The following ANPEP variants were observed in gnomAD, a reference collection of about 807,000 sequenced individuals.
ANPEP encodes aminopeptidase N.
In ANPEP, 70 loss-of-function variants were observed where a neutral mutation model predicts 114.6. That is an observed-to-expected ratio of 0.61 (90% CI 0.50 to 0.75). The LOEUF is 0.75. ANPEP is among the 30% of genes least tolerant of loss of function. The pLI is 0.00. For missense variants in ANPEP, 1,184 were observed against 1,259.5 expected (o/e 0.94, Z 0.91); for synonymous variants, 548 against 522.3 (o/e 1.05, Z -0.67).
intron 11 of ANPEP, 86 bp downstream of exon 11, chr15:89,801,349 A>G (rs1293633914): frequency 1.3e-6 from 2 of 1,566,844 alleles, no homozygotes; most frequent in Non-Finnish European, 1.7e-6. Flanking sequence ...GGCTGGGACC[A>G]CAGGAGGCCA....
rs1372911158 is a variant in ANPEP, at chr15:89,805,450, T to C, written c.628A>G (p.Thr210Ala). 2 of 1,614,076 alleles carry C rather than the reference T, an allele frequency of 1.2e-6. No individual in the cohort carries two copies. Among genetic ancestry groups the C allele is most frequent in the South Asian group, 1.1e-5 (1 of 91,090 alleles). Residue 210 changes from threonine to alanine, a missense_variant, in exon 3 of 21, where the codon ACA (threonine) becomes GCA (alanine). Coordinates refer to ENST00000300060, the MANE Select transcript of ANPEP (RefSeq NM_001150.3). ...EGNVRKVVAT[T>A]QMQAADARKS... ...CGGGCATCTGCAGCCTGCATCTGTG[T>C]AGTGGCCACCACCCTGCCCCAACAG...
chr15:89,802,394 C>G (rs750085822), intron 10 of ANPEP: 1 of 152,286 alleles, frequency 6.6e-6, no homozygotes, highest in Non-Finnish European at 1.5e-5. Context: ...AATTGCCCAG[C>G]AGGGACCCGG....
chr15:89,792,957 C>T (rs1397921611), intron 16 of ANPEP, 78 bp downstream of exon 16: 4 of 1,268,044 alleles, frequency 3.2e-6, no homozygotes, highest in Non-Finnish European at 4.6e-6. Context: ...AGAGCTGCGG[C>T]AGAGAACACT....
intron 1 of ANPEP, among the ~76,000 whole-genome samples, chr15:89,809,053 G>A (rs557021498): frequency 6.6e-6 from 1 of 152,298 alleles, no homozygotes; most frequent in East Asian, 1.9e-4. Context: ...ACCCCATTAG[G>A]CTTGGGTGAT....
intron 20 of ANPEP, among the ~76,000 whole-genome samples, chr15:89,786,386 C>CTTTTTTT (rs57614547): frequency 2.1e-4 from 27 of 130,518 alleles, no homozygotes; most frequent in African/African-American, 7.4e-4. Context: ...ATTTTAACTA[C>CTTTTTTT]TTTTTTTTTT....
Position 89,785,228 on chromosome 15 carries a change from T to C in ANPEP, c.*121A>G, listed in dbSNP as rs769482749. 33 of 1,322,838 alleles carry C rather than the reference T, an allele frequency of 2.5e-5. No homozygotes were observed. Among genetic ancestry groups the C allele is most frequent in the Non-Finnish European group, 3.2e-5 (30 of 950,194 alleles). 81.9% of individuals were successfully genotyped at this position (1,322,838 alleles called of 1,614,324 possible). ...GCAGAGAGAACGTGGGCTGGAGACT[T>C]TGTCCTTGAGGGGAGGACACTGGTG... is the stretch of plus-strand genomic sequence containing the variant. On this transcript the variant is annotated 3_prime_UTR_variant, in exon 21 of 21. Coordinates refer to ENST00000300060, the MANE Select transcript of ANPEP (RefSeq NM_001150.3).
At position 89,806,797 on chromosome 15, in the gene ANPEP, C is replaced by T. The variant is rs573619740; in HGVS notation, c.-214G>A. 3.0e-4 allele frequency: 209 copies of T among 694,624 alleles called. 1 individual carries two copies. The East Asian group carries it at 6.0e-3, about 20-fold the overall frequency. 43.0% of individuals were successfully genotyped at this position (694,624 alleles called of 1,614,324 possible). On this transcript the variant is annotated 5_prime_UTR_variant, in exon 2 of 21. Transcript: ENST00000300060. This position sits in a 1 kb window ranked among gnomAD's most constrained non-coding sequence, Gnocchi z 5.7. ...CAGGAACGGTGTGTGGAGCTGGGCTCGGGGGGTGCCTGCTGGAAGCAAACA... is the reference window on the plus strand; with the variant it reads ...CAGGAACGGTGTGTGGAGCTGGGCTTGGGGGGTGCCTGCTGGAAGCAAACA...
chr15:89,796,747 G>A (rs34493756), intron 15 of ANPEP, among the ~76,000 whole-genome samples: 37,543 of 151,638 alleles, frequency 0.25, 4,774 homozygotes, highest in African/African-American at 0.27. Flanking sequence ...CGCCTGCCTC[G>A]GCCTCCCAAA....
At chr15:89,810,580 GA>G (rs540401836) in intron 1 of ANPEP, among the ~76,000 whole-genome samples, 143 of 129,534 alleles carry the variant, frequency 1.1e-3, no homozygotes, top group Middle Eastern at 3.9e-3. Flanking sequence ...TTTCAAAAAA[GA>G]AAAAAAAAAA....
chr15:89,794,482 T>A (rs1241656614), intron 15 of ANPEP, among the ~76,000 whole-genome samples: 4 of 151,572 alleles, frequency 2.6e-5, no homozygotes, highest in Non-Finnish European at 5.9e-5. Flanking sequence ...GGATTCTGTC[T>A]CAAAAATAAA....
chr15:89,786,798 T>C (rs576466183), intron 20 of ANPEP, among the ~76,000 whole-genome samples: 3 of 151,910 alleles, frequency 2.0e-5, no homozygotes, highest in African/African-American at 7.2e-5. Flanking sequence ...GATGCAAATA[T>C]AGATGAATGA....
At chr15:89,810,948 A>C (rs1894805454) in intron 1 of ANPEP, among the ~76,000 whole-genome samples, 1 of 152,132 alleles carries the variant, frequency 6.6e-6, no homozygotes, top group Admixed American at 6.5e-5. Context: ...CCTTTGCTTC[A>C]TCCACTCCCC....
rs1041854531 is a variant in ANPEP, at chr15:89,811,040, C to T, written c.-224+3732G>A. Among the ~76,000 whole-genome samples the T allele has an allele frequency of 2.6e-5, 4 of 152,298 alleles. No homozygotes were observed. The South Asian group carries it at 6.2e-4, about 24-fold the overall frequency. On this transcript the variant is annotated intron_variant, in intron 1 of 20. Transcript: ENST00000300060. ...TCCATGAGGGTAGCACCAGGTGTGCCGTATCCTCTACACCTGGCGTGCAGT... is the reference window on the plus strand; with the variant it reads ...TCCATGAGGGTAGCACCAGGTGTGCTGTATCCTCTACACCTGGCGTGCAGT...
intron 20 of ANPEP, among the ~76,000 whole-genome samples, chr15:89,788,581 CTGTT>C (rs1167564807): frequency 2.0e-5 from 3 of 151,686 alleles, no homozygotes; most frequent in Admixed American, 6.6e-5. Context: ...TGGTTTTTTT[CTGTT>C]TGTTTGTTTG....
chr15:89,787,483 C>A (rs896993554), intron 20 of ANPEP, among the ~76,000 whole-genome samples: 2 of 151,298 alleles, frequency 1.3e-5, no homozygotes. Flanking sequence ...GTATAAGCAA[C>A]CAAAGGGAAA....
At position 89,806,503 on chromosome 15, in the gene ANPEP, G is replaced by C. The variant is rs761520953; in HGVS notation, c.81C>G (p.Ile27Met). 2 of 1,613,972 alleles carry C rather than the reference G, an allele frequency of 1.2e-6. No individual in the cohort carries two copies. The highest frequency in any genetic ancestry group is 1.1e-5 in the South Asian group (1 of 91,090). Residue 27 changes from isoleucine to methionine, a missense_variant, in exon 2 of 21, where the codon ATC becomes ATG. Coordinates refer to ENST00000300060, the MANE Select transcript of ANPEP (RefSeq NM_001150.3). This position sits in a 1 kb window ranked among gnomAD's most constrained non-coding sequence, Gnocchi z 5.7. ...LLGVAAVCTI[I>M]ALSVVYSQEK... Reference sequence around the variant, plus strand: ...CCTGGGAGTACACCACTGACAGTGCGATGATTGTGCACACGGCTGCCACGC... The same window carrying C: ...CCTGGGAGTACACCACTGACAGTGCCATGATTGTGCACACGGCTGCCACGC...
At position 89,799,396 on chromosome 15, in the gene ANPEP, G is replaced by A. The variant is rs1463152231; in HGVS notation, c.1953+30C>T. 6.2e-7 allele frequency: 1 copy of A among 1,613,604 alleles called. No individual in the cohort carries two copies. The highest frequency in any genetic ancestry group is 8.5e-7 in the Non-Finnish European group (1 of 1,180,028). On this transcript the variant is annotated intron_variant, in intron 13 of 20. Coordinates refer to ENST00000300060, the MANE Select transcript of ANPEP (RefSeq NM_001150.3). This position sits in a 1 kb window ranked among gnomAD's most constrained non-coding sequence, Gnocchi z 4.2. ...CAGTCTGGTGCCTGTCCTGGGGCAG[G>A]GGGCAGGGCGAGGGGTGGCAGACAC... is the stretch of plus-strand genomic sequence containing the variant.
chr15:89,788,270 T>G (rs1024308720), intron 20 of ANPEP, among the ~76,000 whole-genome samples: 1 of 152,216 alleles, frequency 6.6e-6, no homozygotes, highest in African/African-American at 2.4e-5. Flanking sequence ...GGTACATCCA[T>G]GTAATGGACC....
At chr15:89,790,828 C>T in intron 19 of ANPEP, 125 bp downstream of exon 19, 2 of 1,267,350 alleles carry the variant, frequency 1.6e-6, no homozygotes, top group East Asian at 2.4e-5. Context: ...CACCCTAGCC[C>T]CCAGGCTTGG....
Sources: allele counts gnomAD v4.1 joint callset (sites outside exome capture counted in the v4.1 genomes callset), GRCh38; gene constraint gnomAD v4.1.1; non-coding constraint Gnocchi (gnomAD v3.1); transcripts MANE v1.5; gene names NCBI Gene and HGNC (gene_info 2026-07-23, HGNC 2026-07-21).